Variants in MAGI2 observed in about 807,000 individuals in gnomAD.
The protein encoded by MAGI2 is membrane-associated guanylate kinase, WW and PDZ domain-containing protein 2.
In MAGI2, 35 loss-of-function variants were observed where a neutral mutation model predicts 133.3. The ratio of observed to expected loss-of-function variants is 0.26; its 90% CI spans 0.20 to 0.35. The LOEUF (loss-of-function observed/expected upper bound fraction) is 0.35. Ranked by LOEUF, MAGI2 falls within the 10% of genes least tolerant of loss-of-function variation. MAGI2 has a pLI of 1.00. For missense variants in MAGI2, 1,636 were observed against 1,863.4 expected (o/e 0.88, Z 2.25); for synonymous variants, 729 against 710.6 (o/e 1.03, Z -0.41).
At chr7:79,201,119 G>A (rs568061945) in intron 1 of MAGI2, among the ~76,000 whole-genome samples, 14 of 151,996 alleles carry the variant, frequency 9.2e-5, no homozygotes, top group Non-Finnish European at 1.8e-4. Flanking sequence ...TGGGAGACAG[G>A]TATAATTGCC....
chr7:79,135,129 G>A (rs992039027), intron 1 of MAGI2, among the ~76,000 whole-genome samples: 2 of 152,122 alleles, frequency 1.3e-5, no homozygotes, highest in African/African-American at 4.8e-5. Context: ...GTGTGACTAT[G>A]GATATGATTT....
At chr7:78,892,570 A>G (rs938905070) in intron 2 of MAGI2, among the ~76,000 whole-genome samples, 1 of 152,236 alleles carries the variant, frequency 6.6e-6, no homozygotes, top group African/African-American at 2.4e-5. Context: ...CTCAGAAATA[A>G]TGCTGCATAC....
Position 78,167,931 on chromosome 7 carries a change from T to C in MAGI2, c.2581A>G (p.Lys861Glu), listed in dbSNP as rs1461056099. Reference protein sequence around the residue: ...NGQVNLTVRRKVLCGGEPCPE... With the variant: ...NGQVNLTVRREVLCGGEPCPE... ...AGGTACATACCTCCACATAGCACCT[T>C]TCTTCTCACAGTGAGGTTGACCTGC... Residue 861 changes from lysine (K) to glutamate (E), a missense_variant, in exon 15 of 22, where the codon AAG becomes GAG. Around this residue, in one of 5 missense-constraint regions of MAGI2, gnomAD observed 920 missense variants for 1,093.5 expected, o/e 0.84. Transcript: ENST00000354212. 6.2e-7 allele frequency: 1 copy of C among 1,614,058 alleles called. No individual in the cohort carries two copies. Among genetic ancestry groups the C allele is most frequent in the Admixed American group, 1.7e-5 (1 of 60,022 alleles).
chr7:78,531,509 G>C (rs2150625537), intron 3 of MAGI2, among the ~76,000 whole-genome samples: 1 of 152,216 alleles, frequency 6.6e-6, no homozygotes, highest in East Asian at 1.9e-4. Flanking sequence ...ACCACACCTG[G>C]CCTTATTTAA....
intron 1 of MAGI2, among the ~76,000 whole-genome samples, chr7:79,275,566 G>A (rs1184340217): frequency 6.6e-6 from 1 of 152,184 alleles, no homozygotes; most frequent in Non-Finnish European, 1.5e-5. Context: ...ATGCAGCTAC[G>A]ATCATTCATG....
chr7:78,808,978 A>G (rs910076063), intron 2 of MAGI2, among the ~76,000 whole-genome samples: 1 of 152,228 alleles, frequency 6.6e-6, no homozygotes, highest in Non-Finnish European at 1.5e-5. Flanking sequence ...TCAATTAAAC[A>G]TGGCCCAGAT....
intron 1 of MAGI2, among the ~76,000 whole-genome samples, chr7:79,382,012 C>G (rs1290466990): frequency 6.6e-6 from 1 of 151,620 alleles, no homozygotes; most frequent in Non-Finnish European, 1.5e-5. Flanking sequence ...TGGTGCTGGT[C>G]CTGATACTGC....
At chr7:79,413,087 C>A (rs577915147) in intron 1 of MAGI2, 1 of 152,240 alleles carries the variant, frequency 6.6e-6, no homozygotes, top group African/African-American at 2.4e-5. Flanking sequence ...TGCTCATGAA[C>A]AACTCGGAAG....
At chr7:79,238,307 C>T (rs953289839) in intron 1 of MAGI2, among the ~76,000 whole-genome samples, 1 of 151,952 alleles carries the variant, frequency 6.6e-6, no homozygotes, top group Non-Finnish European at 1.5e-5. Context: ...TCAAATATAT[C>T]TTCCTCTTAC....
intron 1 of MAGI2, among the ~76,000 whole-genome samples, chr7:79,313,353 C>CTA (rs1838444728): frequency 6.6e-6 from 1 of 152,118 alleles, no homozygotes; most frequent in Non-Finnish European, 1.5e-5. Flanking sequence ...TTGTTCACAG[C>CTA]TATATGTCCA....
chr7:78,914,519 G>A (rs1798640162), intron 2 of MAGI2, among the ~76,000 whole-genome samples: 1 of 151,996 alleles, frequency 6.6e-6, no homozygotes, highest in African/African-American at 2.4e-5. Context: ...TTTGTGCCCT[G>A]GAGTAACTAA....
intron 2 of MAGI2, among the ~76,000 whole-genome samples, chr7:78,956,669 CA>C (rs1448031504): frequency 6.6e-6 from 1 of 152,100 alleles, no homozygotes; most frequent in African/African-American, 2.4e-5. Context: ...GAAGAGGGAA[CA>C]ACTGTAGCAG....
chr7:78,933,234 GT>G, intron 2 of MAGI2, among the ~76,000 whole-genome samples: 1 of 152,188 alleles, frequency 6.6e-6, no homozygotes, highest in East Asian at 1.9e-4. Context: ...TAAAAATAAT[GT>G]TTATGCTATG....
intron 1 of MAGI2, among the ~76,000 whole-genome samples, chr7:79,009,774 T>C (rs1234247311): frequency 6.6e-6 from 1 of 152,122 alleles, no homozygotes; most frequent in Non-Finnish European, 1.5e-5. Flanking sequence ...ATATCTGAGA[T>C]GTAGCAGCCA....
intron 2 of MAGI2, among the ~76,000 whole-genome samples, chr7:78,742,142 A>G (rs1471434981): frequency 6.6e-6 from 1 of 152,134 alleles, no homozygotes; most frequent in African/African-American, 2.4e-5. Flanking sequence ...TGAATGATAA[A>G]GAAATAAATA....
At chr7:79,387,314 T>C (rs981169345) in intron 1 of MAGI2, among the ~76,000 whole-genome samples, 4 of 152,022 alleles carry the variant, frequency 2.6e-5, no homozygotes, top group Non-Finnish European at 5.9e-5. Context: ...GTGTAGACCA[T>C]AGTCACTTCC....
chr7:78,893,882 T>TA lies in MAGI2; in HGVS notation c.418+113207dup, dbSNP rs1195819169. ...CCTAAAACTTAAAGTATAATAATAATAAAAAAAAGAATTTCCAAATCACTT... is the reference window on the plus strand; with the variant it reads ...CCTAAAACTTAAAGTATAATAATAATAAAAAAAAAGAATTTCCAAATCACTT... On this transcript the variant is annotated intron_variant, in intron 2 of 21. Transcript: ENST00000354212. Among the ~76,000 whole-genome samples the TA allele has an allele frequency of 2.6e-5, 4 of 151,738 alleles. No individual in the cohort carries two copies. The South Asian group carries it at 6.2e-4, about 24-fold the overall frequency.
At chr7:78,514,359 A>G (rs1795866671) in intron 4 of MAGI2, among the ~76,000 whole-genome samples, 1 of 152,006 alleles carries the variant, frequency 6.6e-6, no homozygotes, top group South Asian at 2.1e-4. Context: ...AATTACACCT[A>G]GACAGTCAGA....
chr7:79,303,769 G>A (rs1837554846), intron 1 of MAGI2, among the ~76,000 whole-genome samples: 1 of 152,140 alleles, frequency 6.6e-6, no homozygotes, highest in African/African-American at 2.4e-5. Flanking sequence ...TGAATTGATA[G>A]CCCAGAGACA....
Sources: allele counts gnomAD v4.1 joint callset (sites outside exome capture counted in the v4.1 genomes callset), GRCh38; gene constraint gnomAD v4.1.1; regional missense constraint gnomAD v4.1.1; transcripts MANE v1.5; gene names NCBI Gene and HGNC (gene_info 2026-07-23, HGNC 2026-07-21).